CACNG3: variants seen among roughly 807,000 people sequenced by gnomAD.
CACNG3 encodes the protein calcium voltage-gated channel auxiliary subunit gamma 3.
In CACNG3, 3 loss-of-function variants were observed where a neutral mutation model predicts 28.5. That is an observed-to-expected ratio of 0.11 (90% CI 0.05 to 0.27). CACNG3 has a LOEUF of 0.27. Ranked by LOEUF, CACNG3 falls within the 10% of genes least tolerant of loss-of-function variation. The probability of loss-of-function intolerance (pLI) is 1.00; values close to 1 mark genes in which losing one functional copy is unlikely to be tolerated. For missense variants in CACNG3, 236 were observed against 414.4 expected, an observed-to-expected ratio of 0.57 and a Z score of 3.74; for synonymous variants, 174 against 162.2, an observed-to-expected ratio of 1.07 and a Z score of -0.55.
intron 1 of CACNG3, among the ~76,000 whole-genome samples, chr16:24,288,428 T>C (rs1235670124): frequency 6.6e-6 from 1 of 152,208 alleles, no homozygotes; most frequent in Non-Finnish European, 1.5e-5. Flanking sequence ...CCCAGGTTTT[T>C]CTCCTTCCTT....
chr16:24,343,910 A>G (rs1899822566), intron 1 of CACNG3, among the ~76,000 whole-genome samples: 1 of 152,046 alleles, frequency 6.6e-6, no homozygotes, highest in African/African-American at 2.4e-5. Context: ...TAACACAGTG[A>G]AACCCCGTCT....
chr16:24,350,946 C>T (rs1198060187), intron 2 of CACNG3, among the ~76,000 whole-genome samples: 1 of 152,116 alleles, frequency 6.6e-6, no homozygotes, highest in African/African-American at 2.4e-5. Flanking sequence ...CACAGATGGG[C>T]CCATTAAAAA....
chr16:24,262,614 G>T (rs1233698066), intron 1 of CACNG3, among the ~76,000 whole-genome samples: 1 of 152,216 alleles, frequency 6.6e-6, no homozygotes, highest in Non-Finnish European at 1.5e-5. Flanking sequence ...TCGTGACCTT[G>T]CTCTGGCCCT....
At chr16:24,291,571 G>GA (rs1430735867) in intron 1 of CACNG3, among the ~76,000 whole-genome samples, 1 of 152,194 alleles carries the variant, frequency 6.6e-6, no homozygotes, top group Admixed American at 6.5e-5. Flanking sequence ...ATTCTTCTTA[G>GA]AAAAATTTTG....
chr16:24,282,309 G>A (rs867929096), intron 1 of CACNG3, among the ~76,000 whole-genome samples: 1 of 152,094 alleles, frequency 6.6e-6, no homozygotes, highest in Non-Finnish European at 1.5e-5. Flanking sequence ...CTTAGGAAAC[G>A]TTTGGGAGGC....
At chr16:24,284,719 A>AT (rs1002843816) in intron 1 of CACNG3, among the ~76,000 whole-genome samples, 2 of 152,162 alleles carry the variant, frequency 1.3e-5, no homozygotes, top group African/African-American at 2.4e-5. Context: ...TGCTCTTGGG[A>AT]TTTTTTTAAC....
At chr16:24,293,400 G>T (rs1358584909) in intron 1 of CACNG3, among the ~76,000 whole-genome samples, 1 of 152,048 alleles carries the variant, frequency 6.6e-6, no homozygotes, top group Admixed American at 6.6e-5. Context: ...CCAATGAAGA[G>T]CACAGACTTG....
chr16:24,299,009 A>G (rs1283504351), intron 1 of CACNG3, among the ~76,000 whole-genome samples: 2 of 152,152 alleles, frequency 1.3e-5, no homozygotes, highest in African/African-American at 4.8e-5. Context: ...GCCTGTCTGA[A>G]GTCGTGTTTG....
intron 1 of CACNG3, among the ~76,000 whole-genome samples, chr16:24,340,128 G>C (rs1419521870): frequency 1.3e-5 from 2 of 152,130 alleles, no homozygotes; most frequent in Non-Finnish European, 2.9e-5. Flanking sequence ...AAAATTGGCT[G>C]GTTGTGGTGG....
chr16:24,335,813 C>A (rs781669890), intron 1 of CACNG3, among the ~76,000 whole-genome samples: 2 of 152,066 alleles, frequency 1.3e-5, no homozygotes, highest in Non-Finnish European at 2.9e-5. Context: ...TGGTGGCTCA[C>A]GCCTGTAATC....
At chr16:24,319,685 C>T (rs1378399141) in intron 1 of CACNG3, among the ~76,000 whole-genome samples, 1 of 151,856 alleles carries the variant, frequency 6.6e-6, no homozygotes, top group East Asian at 1.9e-4. Context: ...TACTCTTGGC[C>T]TCAAGCAATC....
At position 24,354,927 on chromosome 16, in the gene CACNG3, C is replaced by T. The variant is rs758792364; in HGVS notation, c.390C>T (p.Ser130=). 6.2e-7 allele frequency: 1 copy of T among 1,612,616 alleles called. No individual in the cohort carries two copies. Residue 130 remains serine, a synonymous_variant, in exon 3 of 4, where the codon AGC becomes AGT. Coordinates refer to ENST00000005284, the MANE Select transcript of CACNG3 (RefSeq NM_006539.4). Reference sequence around the variant, plus strand: ...TGGCAGCCAGTGAGTTCCACCGCAGCAGACACAACGTCATTCTCAGCGCGG... The same window carrying T: ...TGGCAGCCAGTGAGTTCCACCGCAGTAGACACAACGTCATTCTCAGCGCGG... ...LCVAASEFHR[S]RHNVILSAGI...
chr16:24,359,582 C>G (rs1328523457), intron 3 of CACNG3, among the ~76,000 whole-genome samples: 1 of 152,046 alleles, frequency 6.6e-6, no homozygotes, highest in Non-Finnish European at 1.5e-5. Flanking sequence ...AATATTGAGG[C>G]TGGGCATGAT....
rs11406086 is a variant in CACNG3 at position 24,285,845 on chromosome 16, C to CTTT, written c.211+28894_211+28896dup. On this transcript the variant is annotated intron_variant, in intron 1 of 3. Coordinates refer to ENST00000005284, the MANE Select transcript of CACNG3 (RefSeq NM_006539.4). ...AGGTACTGATTTTTTTCTTTCTTTT[C>CTTT]TTTTTTTTTTTTTTTTGAGATAGGG... Among the ~76,000 whole-genome samples, 242 of 131,592 alleles carry CTTT rather than the reference C, an allele frequency of 1.8e-3. 3 individuals are homozygous for CTTT. The highest frequency in any genetic ancestry group is 8.3e-3 in the Middle Eastern group (2 of 242). 86.3% of individuals were successfully genotyped at this position (131,592 alleles called of 152,430 possible). A position where few individuals can be genotyped will look rare whatever the true frequency, so the allele number is the denominator to read the frequency against.
chr16:24,360,002 G>C (rs79624504), intron 3 of CACNG3, among the ~76,000 whole-genome samples: 3,233 of 152,304 alleles, frequency 0.021, 107 homozygotes, highest in African/African-American at 0.074. Flanking sequence ...TGGACTGTAG[G>C]GAGATCTTGG....
At chr16:24,326,636 GC>G (rs1272368532) in intron 1 of CACNG3, among the ~76,000 whole-genome samples, 3 of 152,190 alleles carry the variant, frequency 2.0e-5, no homozygotes, top group Non-Finnish European at 4.4e-5. Context: ...AACCACTGTA[GC>G]CAGGAGAATT....
At chr16:24,311,268 T>C (rs945161367) in intron 1 of CACNG3, among the ~76,000 whole-genome samples, 9 of 152,196 alleles carry the variant, frequency 5.9e-5, no homozygotes, top group African/African-American at 1.9e-4. Flanking sequence ...CCCAGCACTT[T>C]GGGAGGCCGA....
rs868684587 is a variant in CACNG3, at chr16:24,352,474, C to A, written c.296-2359C>A. Among the ~76,000 whole-genome samples the A allele has an allele frequency of 3.9e-5, 6 of 152,284 alleles. No homozygotes were observed. In the South Asian group the frequency reaches 1.0e-3, roughly 26 times the overall value. ...GCGTGTTACCACCTCAGGTCTACCC[C>A]CGCAGTCCAAGCTATGAAGGGCTTT... On this transcript the variant is annotated intron_variant, in intron 2 of 3. Coordinates refer to ENST00000005284, the MANE Select transcript of CACNG3 (RefSeq NM_006539.4).
intron 1 of CACNG3, among the ~76,000 whole-genome samples, chr16:24,258,997 CCA>C (rs1241281842): frequency 1.3e-5 from 2 of 152,114 alleles, no homozygotes; most frequent in Non-Finnish European, 2.9e-5. Flanking sequence ...AGTCCTACAC[CCA>C]CAGTTTGTAC....
Sources: allele counts gnomAD v4.1 joint callset (sites outside exome capture counted in the v4.1 genomes callset), GRCh38; gene constraint gnomAD v4.1.1; transcripts MANE v1.5; gene names NCBI Gene and HGNC (gene_info 2026-07-23, HGNC 2026-07-21).